Variants in CCSER2 observed in about 807,000 individuals in gnomAD.
The protein encoded by CCSER2 is serine-rich coiled-coil domain-containing protein 2.
A neutral mutation model predicts 92.3 loss-of-function variants in CCSER2; 46 were observed. That is an observed-to-expected ratio of 0.50 (90% CI 0.39 to 0.64). The LOEUF (loss-of-function observed/expected upper bound fraction) is 0.64, where lower values mean the gene tolerates loss of function less well. CCSER2 is among the 30% of genes least tolerant of loss of function. The probability of loss-of-function intolerance (pLI) is 0.00; values close to 1 mark genes in which losing one functional copy is unlikely to be tolerated. For synonymous variants in CCSER2, 433 were observed against 431.4 expected, an observed-to-expected ratio of 1.00 and a Z score of -0.04; for missense variants, 1,244 against 1,238.9, an observed-to-expected ratio of 1.00 and a Z score of -0.06.
At chr10:84,464,230 G>A (rs1231918425) in intron 7 of CCSER2, among the ~76,000 whole-genome samples, 2 of 152,034 alleles carry the variant, frequency 1.3e-5, no homozygotes, top group Non-Finnish European at 2.9e-5. Flanking sequence ...TATTACTACT[G>A]TTGCAGGATT....
intron 1 of CCSER2, among the ~76,000 whole-genome samples, chr10:84,341,649 C>G (rs1182663181): frequency 6.6e-6 from 1 of 152,092 alleles, no homozygotes; most frequent in African/African-American, 2.4e-5. Context: ...GATAAGGTCT[C>G]AGTCCCACAA....
At chr10:84,397,894 A>G (rs1246301697) in intron 3 of CCSER2, among the ~76,000 whole-genome samples, 2 of 152,254 alleles carry the variant, frequency 1.3e-5, no homozygotes, top group Admixed American at 1.3e-4. Flanking sequence ...AATTATAGAA[A>G]GTGAATGCAG....
Position 84,457,479 on chromosome 10 carries a change from A to G in CCSER2, c.2065-6454A>G, listed in dbSNP as rs1418468377. Among the ~76,000 whole-genome samples, 10 of 114,348 alleles carry G rather than the reference A, an allele frequency of 8.7e-5. No homozygotes were observed. In the East Asian group the frequency reaches 2.2e-3, roughly 25 times the overall value. 75.0% of individuals were successfully genotyped at this position (114,348 alleles called of 152,430 possible). On this transcript the variant is annotated intron_variant, in intron 6 of 9. Transcript: ENST00000372088. ...AAAATATATAATATATATATAAAAGACATGGACTGGAAGAAAGTATCTGCA... is the reference window on the plus strand; with the variant it reads ...AAAATATATAATATATATATAAAAGGCATGGACTGGAAGAAAGTATCTGCA...
rs1008654488 is a variant in CCSER2 at position 84,515,162 on chromosome 10, A to G, written c.*895A>G. The G allele has an allele frequency of 2.0e-5, 3 of 152,624 alleles. No individual in the cohort carries two copies. Among genetic ancestry groups the G allele is most frequent in the African/African-American group, 7.2e-5 (3 of 41,440 alleles). 9.5% of individuals were successfully genotyped at this position (152,624 alleles called of 1,614,324 possible). A position where few individuals can be genotyped will look rare whatever the true frequency, so the allele number is the denominator to read the frequency against. On this transcript the variant is annotated 3_prime_UTR_variant, in exon 10 of 10. Coordinates refer to ENST00000372088, the MANE Select transcript of CCSER2 (RefSeq NM_001284240.2). ...TCCATGATAGCCATTTTAAGGTTCC[A>G]CAGCATTATGTCTTTAATTGTAATA...
intron 6 of CCSER2, among the ~76,000 whole-genome samples, chr10:84,446,602 T>G (rs1334923867): frequency 6.7e-6 from 1 of 149,128 alleles, no homozygotes; most frequent in Admixed American, 6.9e-5. Context: ...AAAAAGGAGT[T>G]TATGAAATAT....
chr10:84,385,033 A>C (rs572026443), intron 3 of CCSER2, among the ~76,000 whole-genome samples: 12 of 151,786 alleles, frequency 7.9e-5, no homozygotes, highest in East Asian at 3.9e-4. Flanking sequence ...ACACACACAC[A>C]CCCAGGAATA....
At chr10:84,399,047 T>G (rs1241591905) in intron 3 of CCSER2, among the ~76,000 whole-genome samples, 4 of 152,222 alleles carry the variant, frequency 2.6e-5, no homozygotes, top group Non-Finnish European at 5.9e-5. Context: ...AATTTAATTT[T>G]TATATATTTT....
intron 6 of CCSER2, chr10:84,455,852 G>A (rs2133609980): frequency 1.3e-6 from 1 of 756,662 alleles, no homozygotes; most frequent in Non-Finnish European, 2.4e-6. Context: ...ATATCCCATT[G>A]TAACGGGAGC....
chr10:84,467,306 C>T (rs1239893288), intron 7 of CCSER2, among the ~76,000 whole-genome samples: 1 of 152,138 alleles, frequency 6.6e-6, no homozygotes, highest in Non-Finnish European at 1.5e-5. Flanking sequence ...CTTTGAACAT[C>T]TTACTCTCAT....
intron 9 of CCSER2, among the ~76,000 whole-genome samples, 173 bp from the exon 10 acceptor site, chr10:84,513,276 T>G (rs369652137): frequency 6.6e-6 from 1 of 152,206 alleles, no homozygotes; most frequent in African/African-American, 2.4e-5. Context: ...TTATCACTCT[T>G]GTATGTGTCT....
At chr10:84,419,076 A>G (rs1281298431) in intron 4 of CCSER2, among the ~76,000 whole-genome samples, 4 of 152,214 alleles carry the variant, frequency 2.6e-5, no homozygotes, top group Admixed American at 2.6e-4. Flanking sequence ...AGAAGTTTCC[A>G]GATAAGCCAT....
chr10:84,358,176 G>C (rs1845292790), intron 1 of CCSER2, among the ~76,000 whole-genome samples: 1 of 152,190 alleles, frequency 6.6e-6, no homozygotes, highest in African/African-American at 2.4e-5. Context: ...ATCTTGTATA[G>C]TTGCCGTTGA....
chr10:84,501,832 A>ATATAT (rs1447622843), intron 9 of CCSER2, among the ~76,000 whole-genome samples: 1 of 31,042 alleles, frequency 3.2e-5, no homozygotes, highest in South Asian at 1.2e-3. Flanking sequence ...GAAAAAAAAA[A>ATATAT]AAATATATAT....
rs945786372 is a variant in CCSER2 at position 84,516,464 on chromosome 10, C to T, written c.*2197C>T. On this transcript the variant is annotated 3_prime_UTR_variant, in exon 10 of 10. Transcript: ENST00000372088. The stretch of plus-strand genomic sequence containing the variant: ...TATCATTTTGAAGGAGAAAGAAAAC[C>T]GTTCTCACATGTTGCAAATATGTGA... The T allele has an allele frequency of 2.6e-5, 4 of 152,106 alleles. No individual in the cohort carries two copies. The highest frequency in any genetic ancestry group is 5.9e-5 in the Non-Finnish European group (4 of 68,014). 9.4% of individuals were successfully genotyped at this position (152,106 alleles called of 1,614,324 possible).
intron 3 of CCSER2, among the ~76,000 whole-genome samples, chr10:84,378,855 A>C (rs1846489235): frequency 6.6e-6 from 1 of 152,162 alleles, no homozygotes; most frequent in Non-Finnish European, 1.5e-5. Context: ...CTACAGGTGC[A>C]TGCCACTATA....
intron 1 of CCSER2, among the ~76,000 whole-genome samples, chr10:84,353,882 TAAAAACAAAAAAACAA>T (rs56411148): frequency 3.4e-5 from 5 of 146,304 alleles, no homozygotes; most frequent in Admixed American, 2.7e-4. Flanking sequence ...GGGTACAAAA[TAAAAACAAAAAAACAA>T]AAAAACAAAA....
rs189037937 is a variant in CCSER2, at chr10:84,342,918, C to T, written c.-40+14110C>T. Among the ~76,000 whole-genome samples the T allele has an allele frequency of 3.7e-4, 56 of 152,204 alleles. 1 individual carries two copies. The East Asian group carries it at 8.9e-3, about 24-fold the overall frequency. Reference sequence around the variant, plus strand: ...CTTTTGAGATGGAGTCTCGCTCTGTCGCCCAGTGCAGTGGTGTGATCTCTG... The same window carrying T: ...CTTTTGAGATGGAGTCTCGCTCTGTTGCCCAGTGCAGTGGTGTGATCTCTG... On this transcript the variant is annotated intron_variant, in intron 1 of 9. Transcript: ENST00000372088.
At chr10:84,487,387 T>C (rs189323941) in intron 9 of CCSER2, among the ~76,000 whole-genome samples, 1 of 152,354 alleles carries the variant, frequency 6.6e-6, no homozygotes, top group African/African-American at 2.4e-5. Flanking sequence ...CGTGGAACGT[T>C]CTTCCATTTG....
intron 6 of CCSER2, 29 bp from the exon 7 acceptor site, chr10:84,463,904 T>C: frequency 7.0e-7 from 1 of 1,421,900 alleles, no homozygotes; most frequent in Non-Finnish European, 9.9e-7. Flanking sequence ...TATATTAATC[T>C]AGTGTTTTTC....
Sources: gnomAD v4.1 joint callset for allele counts (sites outside exome capture counted in the v4.1 genomes callset) on GRCh38, gnomAD v4.1.1 for gene constraint, MANE v1.5 for transcripts, NCBI Gene and HGNC (gene_info 2026-07-23, HGNC 2026-07-21) for gene names.